Variants in SMCHD1 observed in about 807,000 individuals in gnomAD.
The protein encoded by SMCHD1 is structural maintenance of chromosomes flexible hinge domain-containing protein 1.
Under a neutral mutation model 254.7 loss-of-function variants are expected in SMCHD1, and 78 were observed. The ratio of observed to expected loss-of-function variants is 0.31; its 90% CI spans 0.26 to 0.37. SMCHD1 has a LOEUF of 0.37. Among genes scored for constraint, SMCHD1 ranks in the 10% least tolerant of loss-of-function variants. The pLI, the probability that SMCHD1 is intolerant of heterozygous loss-of-function variation, is 1.00. For synonymous variants in SMCHD1, 766 were observed against 794.9 expected (o/e 0.96, Z 0.61); for missense variants, 1,840 against 2,408.1 (o/e 0.76, Z 4.94).
chr18:2,682,453 G>C (rs994696486), intron 5 of SMCHD1, among the ~76,000 whole-genome samples: 3 of 151,904 alleles, frequency 2.0e-5, no homozygotes, highest in Non-Finnish European at 4.4e-5. Context: ...CACCCAAGTA[G>C]CTGGGATTAT....
intron 26 of SMCHD1, 46 bp downstream of exon 26, chr18:2,738,591 G>A: frequency 6.7e-7 from 1 of 1,503,432 alleles, no homozygotes; most frequent in Non-Finnish European, 9.0e-7. Context: ...ACAAAATACT[G>A]TCCTCCATTG....
chr18:2,769,830 T>A lies in SMCHD1; in HGVS notation c.4846+10T>A. The A allele has an allele frequency of 6.3e-7, 1 of 1,593,550 alleles. No individual in the cohort carries two copies. Among genetic ancestry groups the A allele is most frequent in the Non-Finnish European group, 8.6e-7 (1 of 1,169,450 alleles). ...TTCATGTTTTACAATGGTAAGTTTC[T>A]AGGAAATAAATGGTTAAACTCCGTT... is the stretch of plus-strand genomic sequence containing the variant. On this transcript the variant is annotated intron_variant, in intron 38 of 47. Coordinates refer to ENST00000320876, the MANE Select transcript of SMCHD1 (RefSeq NM_015295.3).
intron 21 of SMCHD1, 75 bp downstream of exon 21, chr18:2,725,070 G>T: frequency 1.1e-6 from 1 of 920,532 alleles, no homozygotes. Context: ...AATTGTAAAT[G>T]AAAAGTGGAA....
At chr18:2,667,168 A>T (rs886789254) in intron 3 of SMCHD1, 137 bp downstream of exon 3, 2 of 677,676 alleles carry the variant, frequency 3.0e-6, no homozygotes, top group African/African-American at 3.6e-5. Flanking sequence ...TTCTTACTCA[A>T]ATTCATCACG....
At chr18:2,678,120 C>T (rs566263608) in intron 5 of SMCHD1, among the ~76,000 whole-genome samples, 80 of 152,254 alleles carry the variant, frequency 5.3e-4, no homozygotes, top group Admixed American at 4.3e-3. Context: ...AGCCCTGTTA[C>T]TAGAGTTTTA....
intron 17 of SMCHD1, among the ~76,000 whole-genome samples, chr18:2,713,138 T>G (rs546486581): frequency 3.3e-5 from 5 of 152,226 alleles, no homozygotes; most frequent in Non-Finnish European, 7.3e-5. Context: ...TTGTTGTAGA[T>G]GAATGCAGCC....
chr18:2,792,504 G>T (rs1042726570), intron 45 of SMCHD1, among the ~76,000 whole-genome samples: 2 of 152,162 alleles, frequency 1.3e-5, no homozygotes, highest in East Asian at 1.9e-4. Flanking sequence ...ACTGCACAGG[G>T]TTCAGTAGTA....
intron 1 of SMCHD1, among the ~76,000 whole-genome samples, chr18:2,659,371 G>A (rs911077568): frequency 2.6e-5 from 4 of 152,176 alleles, no homozygotes; most frequent in African/African-American, 4.8e-5. Flanking sequence ...ACCTGCCTTG[G>A]CCTCCCAAAG....
intron 12 of SMCHD1, 89 bp from the exon 13 acceptor site, chr18:2,703,603 A>C (rs746680859): frequency 1.6e-5 from 18 of 1,106,158 alleles, no homozygotes; most frequent in Non-Finnish European, 2.4e-5. Context: ...GAGTATATGA[A>C]AGGAAAAAAA....
chr18:2,775,854 G>A lies in SMCHD1; in HGVS notation c.5296G>A (p.Glu1766Lys). The change falls in exon 42 of 48, where the codon GAA becomes AAA. Residue 1766 changes from glutamate to lysine, a missense_variant. Glu to Lys is a moderately conservative substitution (Grantham distance 56, BLOSUM62 1). Around this residue, in one of 9 missense-constraint regions of SMCHD1, gnomAD observed 114 missense variants for 217.6 expected, o/e 0.52. Transcript: ENST00000320876. ...TTDAARRIYD[E>K]TQGRQQVLPL... ...TGACGCTGCACGTCGTATCTATGAT[G>A]AAACCCAAGGTCGTCAGCAGGTGTT... The A allele has an allele frequency of 6.2e-7, 1 of 1,612,292 alleles. No homozygotes were observed.
chr18:2,736,606 T>G (rs960155449), intron 25 of SMCHD1, among the ~76,000 whole-genome samples: 3 of 151,528 alleles, frequency 2.0e-5, no homozygotes, highest in Non-Finnish European at 4.4e-5. Flanking sequence ...GATAACTTGT[T>G]AAGAGAAGAC....
chr18:2,762,419 A>ACATAAAATGTAT (rs2075802017), intron 36 of SMCHD1, among the ~76,000 whole-genome samples, 183 bp downstream of exon 36: 3 of 152,146 alleles, frequency 2.0e-5, no homozygotes, highest in Admixed American at 2.0e-4. Context: ...GAGAATATAT[A>ACATAAAATGTAT]ACATTATACA....
intron 7 of SMCHD1, among the ~76,000 whole-genome samples, chr18:2,692,222 T>C (rs117738501): frequency 0.018 from 2,721 of 152,288 alleles, 41 homozygotes; most frequent in Middle Eastern, 0.099. Flanking sequence ...CTTTCTTAGG[T>C]GTTCGAGGAG....
chr18:2,664,025 T>C (rs1265662290), intron 1 of SMCHD1, among the ~76,000 whole-genome samples: 1 of 152,162 alleles, frequency 6.6e-6, no homozygotes, highest in Non-Finnish European at 1.5e-5. Context: ...TATTCCAGGA[T>C]ATTTTAAAGT....
Position 2,723,565 on chromosome 18 carries a change from G to C in SMCHD1, c.2603+902G>C, listed in dbSNP as rs554467035. 2.6e-5 allele frequency among the ~76,000 whole-genome samples: 4 copies of C among 152,226 alleles called. No individual in the cohort carries two copies. The South Asian group carries it at 8.3e-4, about 32-fold the overall frequency. On this transcript the variant is annotated intron_variant, in intron 20 of 47. Transcript: ENST00000320876. Reference sequence around the variant, plus strand: ...TTTTGCCTAGAGCAGGGAATAGTTTGGTTCCAAGTGAGTCAAAGAACAGGG... The same window carrying C: ...TTTTGCCTAGAGCAGGGAATAGTTTCGTTCCAAGTGAGTCAAAGAACAGGG...
Position 2,748,342 on chromosome 18 carries a change from TTGTGTG to T in SMCHD1, c.3927+731_3927+736del, listed in dbSNP as rs1199860810. Among the ~76,000 whole-genome samples, 195 of 78,450 alleles carry T rather than the reference TTGTGTG, an allele frequency of 2.5e-3. 8 individuals are homozygous for T. Among genetic ancestry groups the T allele is most frequent in the African/African-American group, 9.9e-3 (176 of 17,814 alleles). The allele number at this position is 78,450 out of a possible 152,430, so 51.5% of individuals were successfully genotyped here. A position where few individuals can be genotyped will look rare whatever the true frequency, so the allele number is the denominator to read the frequency against. On this transcript the variant is annotated intron_variant, in intron 30 of 47. Coordinates refer to ENST00000320876, the MANE Select transcript of SMCHD1 (RefSeq NM_015295.3). ...GGAAAAGCTGCTAGTCTTTGCAAAGTTGTGTGTGTGTGTGTGTGTGTGTGTGTGTGT... is the reference window on the plus strand; with the variant it reads ...GGAAAAGCTGCTAGTCTTTGCAAAGTTGTGTGTGTGTGTGTGTGTGTGTGT...
chr18:2,741,580 A>G (rs893101273), intron 28 of SMCHD1, among the ~76,000 whole-genome samples: 4 of 152,078 alleles, frequency 2.6e-5, no homozygotes, highest in African/African-American at 7.2e-5. Context: ...CTATTTTCTA[A>G]TGTCGAGCAT....
chr18:2,780,238 TAAAAAAAAAAAAAAA>T (rs56804553), intron 44 of SMCHD1, among the ~76,000 whole-genome samples: 1 of 69,362 alleles, frequency 1.4e-5, no homozygotes, highest in Admixed American at 1.6e-4. Context: ...AGACTCTATC[TAAAAAAAAAAAAAAA>T]AAAAAAAAAA....
chr18:2,760,489 A>C, intron 34 of SMCHD1, 163 bp from the exon 35 acceptor site: 1 of 542,218 alleles, frequency 1.8e-6, no homozygotes, highest in Non-Finnish European at 3.4e-6. Context: ...ACCTGGGAGT[A>C]AGCAAGAAAT....
Sources: allele counts gnomAD v4.1 joint callset (sites outside exome capture counted in the v4.1 genomes callset), GRCh38; gene constraint gnomAD v4.1.1; regional missense constraint gnomAD v4.1.1; transcripts MANE v1.5; gene names NCBI Gene and HGNC (gene_info 2026-07-23, HGNC 2026-07-21).